The following TPX2 variants were observed in gnomAD, a reference collection of about 807,000 sequenced individuals.
TPX2 encodes targeting protein for Xklp2.
A neutral mutation model predicts 93.6 loss-of-function variants in TPX2; 21 were observed. That is an observed-to-expected ratio of 0.22 (90% CI 0.16 to 0.32). TPX2 has a LOEUF of 0.32. TPX2 is among the 10% of genes least tolerant of loss of function. The pLI, the probability that TPX2 is intolerant of heterozygous loss-of-function variation, is 1.00. For missense variants in TPX2, 776 were observed against 871.1 expected, an observed-to-expected ratio of 0.89 and a Z score of 1.37; for synonymous variants, 281 against 298.3, an observed-to-expected ratio of 0.94 and a Z score of 0.60.
chr20:31,768,801 C>T (rs866183063), intron 5 of TPX2, among the ~76,000 whole-genome samples: 17 of 152,102 alleles, frequency 1.1e-4, no homozygotes, highest in African/African-American at 3.9e-4. Flanking sequence ...CTAGCACTTA[C>T]GAAAAGGGAC....
intron 2 of TPX2, among the ~76,000 whole-genome samples, chr20:31,753,340 A>G (rs1253424170): frequency 6.6e-6 from 1 of 152,074 alleles, no homozygotes; most frequent in Non-Finnish European, 1.5e-5. Flanking sequence ...AATCTTTCTG[A>G]TCTTCAGCTT....
At chr20:31,790,413 C>A (rs2123080176) in intron 12 of TPX2, among the ~76,000 whole-genome samples, 2 of 152,304 alleles carry the variant, frequency 1.3e-5, no homozygotes, top group Non-Finnish European at 2.9e-5. Context: ...GATGACAAAT[C>A]TTCACGTGTA....
intron 12 of TPX2, among the ~76,000 whole-genome samples, chr20:31,789,757 TCTTTTCCTCTCCC>T (rs2062088781): frequency 6.6e-6 from 1 of 152,174 alleles, no homozygotes; most frequent in Non-Finnish European, 1.5e-5. Context: ...TCATAAATCA[TCTTTTCCTCTCCC>T]CCAACTAATT....
At chr20:31,766,457 GTGT>G (rs2123010219) in intron 4 of TPX2, 96 bp from the exon 5 acceptor site, 2 of 598,704 alleles carry the variant, frequency 3.3e-6, no homozygotes, top group Non-Finnish European at 2.5e-6. Context: ...TAGACAGGGT[GTGT>G]GTGTGTGTGT....
Position 31,801,318 on chromosome 20 carries a change from TGTA to T in TPX2, c.*241_*243del. 1 of 453,422 alleles carries T rather than the reference TGTA, an allele frequency of 2.2e-6. No homozygotes were observed. The highest frequency in any genetic ancestry group is 4.0e-6 in the Non-Finnish European group (1 of 250,954). The allele number at this position is 453,422 out of a possible 1,614,324, so 28.1% of individuals were successfully genotyped here. A position where few individuals can be genotyped will look rare whatever the true frequency, so the allele number is the denominator to read the frequency against. On this transcript the variant is annotated 3_prime_UTR_variant, in exon 18 of 18. Transcript: ENST00000300403. ...TCATGAATGTCTCGATTAGACTCCA[TGTA>T]GTTACTTCCTTTAAACCATCAGCCG...
At chr20:31,770,320 T>G (rs781224825) in intron 5 of TPX2, 23 bp from the exon 6 acceptor site, 1 of 1,488,772 alleles carries the variant, frequency 6.7e-7, no homozygotes. Context: ...TTATTATATA[T>G]TTTGTCAATT....
intron 4 of TPX2, among the ~76,000 whole-genome samples, chr20:31,762,488 T>A (rs189548759): frequency 7.2e-5 from 11 of 152,230 alleles, no homozygotes. Context: ...TAGTTGTGAC[T>A]ACAGGCGCGC....
chr20:31,776,876 A>G (rs1469914048), intron 8 of TPX2, among the ~76,000 whole-genome samples: 2 of 152,144 alleles, frequency 1.3e-5, no homozygotes, highest in Non-Finnish European at 2.9e-5. Flanking sequence ...AAAAAAAGGA[A>G]CTTGGATTGA....
chr20:31,779,307 G>A (rs2062019878), intron 10 of TPX2, among the ~76,000 whole-genome samples: 1 of 152,254 alleles, frequency 6.6e-6, no homozygotes, highest in South Asian at 2.1e-4. Context: ...GTTACCTATA[G>A]AAAATGAAGG....
At chr20:31,747,711 G>A (rs961865989) in intron 2 of TPX2, among the ~76,000 whole-genome samples, 4 of 151,060 alleles carry the variant, frequency 2.6e-5, no homozygotes, top group African/African-American at 7.3e-5. Context: ...GAAATGTGAA[G>A]CTGATTCTCT....
rs1233423936 is a variant in TPX2, at chr20:31,742,569, A to G, written c.-149A>G. On this transcript the variant is annotated 5_prime_UTR_variant, in exon 2 of 18. Coordinates refer to ENST00000300403, the MANE Select transcript of TPX2 (RefSeq NM_012112.5). The stretch of plus-strand genomic sequence containing the variant: ...CTTGATACATATTTGCCAGACTTCA[A>G]GATTTCAGAAAAGGGGTGAAAGAGA... 4 of 152,220 alleles carry G rather than the reference A, an allele frequency of 2.6e-5. No individual in the cohort carries two copies. The East Asian group carries it at 7.7e-4, about 29-fold the overall frequency. The allele number at this position is 152,220 out of a possible 1,614,324, so 9.4% of individuals were successfully genotyped here. A position where few individuals can be genotyped will look rare whatever the true frequency, so the allele number is the denominator to read the frequency against.
At chr20:31,793,142 G>A (rs560984214) in intron 13 of TPX2, among the ~76,000 whole-genome samples, 1 of 152,262 alleles carries the variant, frequency 6.6e-6, no homozygotes, top group Non-Finnish European at 1.5e-5. Context: ...ATCAAAAGTT[G>A]CACTTTATTT....
chr20:31,774,017 A>G (rs1349390285), intron 7 of TPX2, among the ~76,000 whole-genome samples: 1 of 151,962 alleles, frequency 6.6e-6, no homozygotes, highest in Admixed American at 6.6e-5. Flanking sequence ...GATTACTGGC[A>G]CTTGCCACTA....
At chr20:31,739,917 C>T (rs2061744197) in intron 1 of TPX2, among the ~76,000 whole-genome samples, 1 of 152,148 alleles carries the variant, frequency 6.6e-6, no homozygotes, top group Non-Finnish European at 1.5e-5. Context: ...TTGTCTAAAA[C>T]AGGAAGATAA....
At chr20:31,762,639 C>T (rs143956459) in intron 4 of TPX2, among the ~76,000 whole-genome samples, 30 of 152,176 alleles carry the variant, frequency 2.0e-4, no homozygotes, top group African/African-American at 4.1e-4. Flanking sequence ...CATGAACCAC[C>T]GCCCTCGGCC....
chr20:31,787,211 G>A (rs910814216), intron 12 of TPX2, among the ~76,000 whole-genome samples: 1 of 148,162 alleles, frequency 6.7e-6, no homozygotes, highest in Admixed American at 6.8e-5. Flanking sequence ...AACACTGAGA[G>A]GTATCTAGTA....
Position 31,739,314 on chromosome 20 carries a change from T to C in TPX2, c.-485T>C, listed in dbSNP as rs1306031988. On this transcript the variant is annotated 5_prime_UTR_variant, in exon 1 of 18. Coordinates refer to ENST00000300403, the MANE Select transcript of TPX2 (RefSeq NM_012112.5). ...TGAATGAGTCCCGCGGCGGGTTGGC[T>C]CGCGCTTCGTTGTCAGATCTGAGGC... The C allele has an allele frequency of 6.6e-6, 1 of 152,204 alleles. No homozygotes were observed. Among genetic ancestry groups the C allele is most frequent in the African/African-American group, 2.4e-5 (1 of 41,440 alleles). The allele number at this position is 152,204 out of a possible 1,614,324, so 9.4% of individuals were successfully genotyped here.
At position 31,797,545 on chromosome 20, in the gene TPX2, G is replaced by A. The variant is rs374830021; in HGVS notation, c.1945+30G>A. The A allele has an allele frequency of 1.0e-5, 16 of 1,593,562 alleles. No homozygotes were observed. In the African/African-American group the frequency reaches 1.1e-4, roughly 11 times the overall value. Reference sequence around the variant, plus strand: ...TATTATATGTACTCTGATGGGACTCGGGCAGAATTGTCAGACTTCCCAGTG... The same window carrying A: ...TATTATATGTACTCTGATGGGACTCAGGCAGAATTGTCAGACTTCCCAGTG... On this transcript the variant is annotated intron_variant, in intron 16 of 17. Coordinates refer to ENST00000300403, the MANE Select transcript of TPX2 (RefSeq NM_012112.5).
intron 15 of TPX2, among the ~76,000 whole-genome samples, chr20:31,797,037 G>A (rs1255283896): frequency 2.7e-5 from 4 of 149,810 alleles, no homozygotes; most frequent in African/African-American, 7.4e-5. Flanking sequence ...CACCAACATG[G>A]CACATGTATA....
Sources: allele counts gnomAD v4.1 joint callset (sites outside exome capture counted in the v4.1 genomes callset), GRCh38; gene constraint gnomAD v4.1.1; transcripts MANE v1.5; gene names NCBI Gene and HGNC (gene_info 2026-07-23, HGNC 2026-07-21).